CEP295NL: variants seen among roughly 807,000 people sequenced by gnomAD.
CEP295NL encodes the protein CEP295 N-terminal like, also known as protein DDC8 homolog.
A neutral mutation model predicts 4.6 loss-of-function variants in CEP295NL; 3 were observed. That is an observed-to-expected ratio of 0.65 (90% CI 0.30 to 1.69). The LOEUF is 1.69. CEP295NL is among the 40% of genes most tolerant of loss of function. The probability of loss-of-function intolerance (pLI) is 0.10; values close to 1 mark genes in which losing one functional copy is unlikely to be tolerated. For missense variants in CEP295NL, 719 were observed against 769.0 expected (o/e 0.93, Z 0.77); for synonymous variants, 295 against 312.2 (o/e 0.94, Z 0.58).
In CEP295NL at chr17:78,892,458, A is replaced by G. The variant is rs578066172; in HGVS notation, c.46T>C (p.Phe16Leu). 8 of 1,546,062 alleles carry G rather than the reference A, an allele frequency of 5.2e-6. No homozygotes were observed. Among genetic ancestry groups the G allele is most frequent in the Non-Finnish European group, 7.0e-6 (8 of 1,144,538 alleles). Reference sequence around the variant, plus strand: ...CAGAAGCCACAACGTTCCACAGCAAACCTACGAGGAAGGGAGCACAAGTGC... The same window carrying G: ...CAGAAGCCACAACGTTCCACAGCAAGCCTACGAGGAAGGGAGCACAAGTGC... ...SSSVIWRHTQ[F>L]AVERCGFCGS... The change falls in exon 3 of 3, where the codon TTT (phenylalanine) becomes CTT (leucine). Residue 16 changes from phenylalanine (F) to leucine (L), a missense_variant and splice_region_variant. Physicochemically the swap from Phe to Leu is conservative, Grantham distance 22 (BLOSUM62 0). Transcript: ENST00000322630.
In CEP295NL at chr17:78,891,680, C is replaced by A. The variant is rs547135189; in HGVS notation, c.824G>T (p.Arg275Leu). 1.9e-6 allele frequency: 3 copies of A among 1,551,108 alleles called. No homozygotes were observed. The Admixed American group carries it at 5.9e-5, about 30-fold the overall frequency. Residue 275 changes from arginine (R) to leucine (L), a missense_variant, in exon 3 of 3, where the codon CGG (arginine) becomes CTG (leucine). By Grantham distance (102) the Arg-to-Leu change is moderately radical. Transcript: ENST00000322630. The surrounding 1 kb of genome is among the most constrained non-coding windows in gnomAD (Gnocchi z 4.5). ...CTTTCCCAGTTGCCTCCTCCCCGCCCGAGCTGTTCCTTTCTCTTTTTCCTC... is the reference window on the plus strand; with the variant it reads ...CTTTCCCAGTTGCCTCCTCCCCGCCAGAGCTGTTCCTTTCTCTTTTTCCTC... ...LVEEKEKGTA[R>L]AGRRQLGKGA...
Position 78,896,931 on chromosome 17 carries a change from G to C in CEP295NL, c.45-4472C>G. 1 of 985,362 alleles carries C rather than the reference G, an allele frequency of 1.0e-6. No individual in the cohort carries two copies. Among genetic ancestry groups the C allele is most frequent in the Middle Eastern group, 5.2e-4 (1 of 1,914 alleles). 61.0% of individuals were successfully genotyped at this position (985,362 alleles called of 1,614,324 possible). ...TGTGCTTGGCCACCAGATTCCCAGC[G>C]ATTCTCACCAAAGTCAGGCAACCTC... On this transcript the variant is annotated intron_variant, in intron 2 of 2. Coordinates refer to ENST00000322630, the MANE Select transcript of CEP295NL (RefSeq NM_001243540.2). This position sits in a 1 kb window ranked among gnomAD's most constrained non-coding sequence, Gnocchi z 4.4.
In CEP295NL at chr17:78,891,824, G is replaced by A; in HGVS notation, c.680C>T (p.Pro227Leu). The A allele has an allele frequency of 6.4e-7, 1 of 1,550,874 alleles. No homozygotes were observed. Among genetic ancestry groups the A allele is most frequent in the Admixed American group, 2.0e-5 (1 of 51,010 alleles). ...ACCCCCAGACTTGGTCGAAGGTTCT[G>A]GCCTTCCCTTTCTCTTCTCAGGCGG... Reference protein sequence around the residue: ...LAPPEKRKGRPEPSTKSGGGR... With the variant: ...LAPPEKRKGRLEPSTKSGGGR... The change falls in exon 3 of 3, where the codon CCA becomes CTA. Residue 227 changes from proline (P) to leucine (L), a missense_variant. Transcript: ENST00000322630. This position sits in a 1 kb window ranked among gnomAD's most constrained non-coding sequence, Gnocchi z 4.5.
At chr17:78,895,865 C>G (rs1032100168) in intron 2 of CEP295NL, among the ~76,000 whole-genome samples, 1 of 152,202 alleles carries the variant, frequency 6.6e-6, no homozygotes, top group Non-Finnish European at 1.5e-5. Flanking sequence ...GTGCCAAGAG[C>G]CGTTGGCTCA....
chr17:78,891,948 G>A lies in CEP295NL; in HGVS notation c.556C>T (p.Gln186Ter), dbSNP rs2145770144. 1 of 1,550,562 alleles carries A rather than the reference G, an allele frequency of 6.4e-7. No homozygotes were observed. The change falls in exon 3 of 3, where the codon CAG becomes TAG. Residue 186 changes from glutamine (Q) to a stop codon, truncating the protein, a stop_gained. Transcript: ENST00000322630. LOFTEE classifies it low-confidence loss of function (END_TRUNC). This position sits in a 1 kb window ranked among gnomAD's most constrained non-coding sequence, Gnocchi z 4.5. Reference sequence around the variant, plus strand: ...GGCCTGGAGTGCCTGGGGTGTTGCTGGCCCAACTCTTCCCTGCAACTCCTC... The same window carrying A: ...GGCCTGGAGTGCCTGGGGTGTTGCTAGCCCAACTCTTCCCTGCAACTCCTC... Reference protein sequence around the residue: ...EERSCREELGQQHPRHSRPRK... With the variant: ...EERSCREELG
At chr17:78,902,063 T>C (rs1192456332) in intron 1 of CEP295NL, 137 bp from the exon 2 acceptor site, 1 of 506,954 alleles carries the variant, frequency 2.0e-6, no homozygotes, top group Non-Finnish European at 3.5e-6. Context: ...CGCCCTCTTC[T>C]CCCCAACTCT....
intron 2 of CEP295NL, among the ~76,000 whole-genome samples, chr17:78,894,338 C>T (rs1197735311): frequency 1.3e-5 from 2 of 152,008 alleles, no homozygotes; most frequent in African/African-American, 4.8e-5. Flanking sequence ...GGTGGTCACA[C>T]TGCAGCTGGC....
chr17:78,892,556 C>T, intron 2 of CEP295NL, 97 bp from the exon 3 acceptor site: 1 of 1,458,688 alleles, frequency 6.9e-7, no homozygotes, highest in Non-Finnish European at 9.1e-7. Context: ...ACTGTGAGGA[C>T]AGGCTGCAAA....
intron 2 of CEP295NL, among the ~76,000 whole-genome samples, chr17:78,893,109 G>A (rs2069928430): frequency 1.3e-5 from 2 of 151,684 alleles, no homozygotes; most frequent in South Asian, 4.2e-4. Context: ...GTGGGTGTGT[G>A]CACATGCACA....
At chr17:78,898,309 T>C (rs1339793850) in intron 2 of CEP295NL, 1 of 152,276 alleles carries the variant, frequency 6.6e-6, no homozygotes, top group Non-Finnish European at 1.5e-5. Context: ...TAGCTCGTAA[T>C]CAGGGCAGCA....
chr17:78,892,662 G>A, intron 2 of CEP295NL: 1 of 731,890 alleles, frequency 1.4e-6, no homozygotes, highest in East Asian at 2.8e-5. Context: ...AGCCTGTAGG[G>A]CAGCTGTTTT....
At position 78,891,809 on chromosome 17, in the gene CEP295NL, T is replaced by C. The variant is rs1294315979; in HGVS notation, c.695A>G (p.Lys232Arg). The C allele has an allele frequency of 1.3e-6, 2 of 1,550,970 alleles. No individual in the cohort carries two copies. Among genetic ancestry groups the C allele is most frequent in the East Asian group, 2.4e-5 (1 of 40,924 alleles). ...GATGGCACAGCGGCCACCCCCAGAC[T>C]TGGTCGAAGGTTCTGGCCTTCCCTT... ...KRKGRPEPST[K>R]SGGGRCAIHP... The change falls in exon 3 of 3, where the codon AAG (lysine) becomes AGG (arginine). Residue 232 changes from lysine to arginine, a missense_variant. By Grantham distance (26) the Lys-to-Arg change is conservative. Coordinates refer to ENST00000322630, the MANE Select transcript of CEP295NL (RefSeq NM_001243540.2). This position sits in a 1 kb window ranked among gnomAD's most constrained non-coding sequence, Gnocchi z 4.5.
At chr17:78,902,749 C>T (rs574908528) in intron 1 of CEP295NL, 6 of 152,366 alleles carry the variant, frequency 3.9e-5, no homozygotes, top group South Asian at 2.1e-4. Flanking sequence ...AAACATACCT[C>T]GACAGCGTCC....
rs1437313164 is a variant in CEP295NL at position 78,892,298 on chromosome 17, G to C, written c.206C>G (p.Pro69Arg). 6.4e-7 allele frequency: 1 copy of C among 1,550,568 alleles called. No individual in the cohort carries two copies. The highest frequency in any genetic ancestry group is 1.4e-5 in the African/African-American group (1 of 73,064). The change falls in exon 3 of 3, where the codon CCT (proline) becomes CGT (arginine). Residue 69 changes from proline (P) to arginine (R), a missense_variant. By Grantham distance (103) the Pro-to-Arg change is moderately radical. Transcript: ENST00000322630. Reference sequence around the variant, plus strand: ...CCTCCAAAGCAGGTCTTCGTTATCAGGACAGAGGCTCAGCCACATGGCTCC... The same window carrying C: ...CCTCCAAAGCAGGTCTTCGTTATCACGACAGAGGCTCAGCCACATGGCTCC... Reference protein sequence around the residue: ...MDGAMWLSLCPDNEDLLWRKK... With the variant: ...MDGAMWLSLCRDNEDLLWRKK...
chr17:78,891,061 T>G lies in CEP295NL; in HGVS notation c.1443A>C (p.Ala481=). The change falls in exon 3 of 3, where the codon GCA becomes GCC. Residue 481 remains alanine (A), a synonymous_variant. Coordinates refer to ENST00000322630, the MANE Select transcript of CEP295NL (RefSeq NM_001243540.2). The surrounding 1 kb of genome is among the most constrained non-coding windows in gnomAD (Gnocchi z 4.5). The part of the protein sequence containing the change: ...GQETPKLGTL[A]EGSLQLHLQD... ...GAAGGTGGAGCTGAAGGGAGCCCTCTGCCAGCGTGCCCAGTTTGGGGGTCT... is the reference window on the plus strand; with the variant it reads ...GAAGGTGGAGCTGAAGGGAGCCCTCGGCCAGCGTGCCCAGTTTGGGGGTCT... The G allele has an allele frequency of 1.3e-6, 2 of 1,551,130 alleles. No homozygotes were observed.
chr17:78,891,601 C>T lies in CEP295NL; in HGVS notation c.903G>A (p.Leu301=). The T allele has an allele frequency of 6.4e-7, 1 of 1,550,926 alleles. No homozygotes were observed. Among genetic ancestry groups the T allele is most frequent in the Non-Finnish European group, 8.7e-7 (1 of 1,147,066 alleles). ...GCCCGAGGTCTCTCAGCTTCCCCTC[C>T]AGACTCTGTCCCTGAGAGCGACTGG... ...ALTSRSQGQS[L]EGKLRDLGQL... Residue 301 remains leucine, a synonymous_variant, in exon 3 of 3, where the codon CTG becomes CTA. Transcript: ENST00000322630. This position sits in a 1 kb window ranked among gnomAD's most constrained non-coding sequence, Gnocchi z 4.5.
rs879594906 is a variant in CEP295NL, at chr17:78,893,116, CACATGTGTGTGCAGGGGTGTGTGTGCGT to C, written c.45-685_45-658del. ...GGGTGTGTGTGGGTGTGTGCACATGCACATGTGTGTGCAGGGGTGTGTGTGCGTACATGTGTGTGCAGGGGTGTGTGTG... is the reference window on the plus strand; with the variant it reads ...GGGTGTGTGTGGGTGTGTGCACATGCACATGTGTGTGCAGGGGTGTGTGTG... On this transcript the variant is annotated intron_variant, in intron 2 of 2. Coordinates refer to ENST00000322630, the MANE Select transcript of CEP295NL (RefSeq NM_001243540.2). Among the ~76,000 whole-genome samples, 414 of 143,124 alleles carry C rather than the reference CACATGTGTGTGCAGGGGTGTGTGTGCGT, an allele frequency of 2.9e-3. 2 individuals are homozygous for C. Among genetic ancestry groups the C allele is most frequent in the Middle Eastern group, 0.012 (3 of 244 alleles). The allele number at this position is 143,124 out of a possible 152,430, so 93.9% of individuals were successfully genotyped here. A position where few individuals can be genotyped will look rare whatever the true frequency, so the allele number is the denominator to read the frequency against.
At position 78,891,615 on chromosome 17, in the gene CEP295NL, G is replaced by C. The variant is rs1371059044; in HGVS notation, c.889C>G (p.Gln297Glu). 6.4e-7 allele frequency: 1 copy of C among 1,550,890 alleles called. No homozygotes were observed. The highest frequency in any genetic ancestry group is 2.0e-5 in the Admixed American group (1 of 51,002). Reference sequence around the variant, plus strand: ...AGCTTCCCCTCCAGACTCTGTCCCTGAGAGCGACTGGTCAGGGCTGGAACA... The same window carrying C: ...AGCTTCCCCTCCAGACTCTGTCCCTCAGAGCGACTGGTCAGGGCTGGAACA... ...CFVPALTSRS[Q>E]GQSLEGKLRD... The change falls in exon 3 of 3, where the codon CAG (glutamine) becomes GAG (glutamate). Residue 297 changes from glutamine to glutamate, a missense_variant. Coordinates refer to ENST00000322630, the MANE Select transcript of CEP295NL (RefSeq NM_001243540.2). This position sits in a 1 kb window ranked among gnomAD's most constrained non-coding sequence, Gnocchi z 4.5.
chr17:78,897,517 G>A (rs1455847757), intron 2 of CEP295NL: 1 of 152,258 alleles, frequency 6.6e-6, no homozygotes, highest in Non-Finnish European at 1.5e-5. Context: ...TGGAGCCCCA[G>A]GCACCATGAC....
Sources: gnomAD v4.1 joint callset for allele counts (sites outside exome capture counted in the v4.1 genomes callset) on GRCh38, gnomAD v4.1.1 for gene constraint, Gnocchi (gnomAD v3.1) non-coding constraint, MANE v1.5 for transcripts, NCBI Gene and HGNC (gene_info 2026-07-23, HGNC 2026-07-21) for gene names.